Variants in GAB2 observed in about 807,000 individuals in gnomAD.
GAB2 encodes the protein GRB2-associated-binding protein 2.
In GAB2, 26 loss-of-function variants were observed where a neutral mutation model predicts 65.5. That is an observed-to-expected ratio of 0.40 (90% CI 0.29 to 0.55). GAB2 has a LOEUF of 0.55. Among genes scored for constraint, GAB2 ranks in the 20% least tolerant of loss-of-function variants. The pLI is 0.53. For synonymous variants in GAB2, 321 were observed against 329.6 expected (o/e 0.97, Z 0.28); for missense variants, 884 against 875.8 (o/e 1.01, Z -0.12).
In GAB2 at chr11:78,289,724, AG is replaced by A. The variant is rs532524881; in HGVS notation, c.76-8824del. On this transcript the variant is annotated intron_variant, in intron 1 of 9. Coordinates refer to ENST00000361507, the MANE Select transcript of GAB2 (RefSeq NM_080491.3). The stretch of plus-strand genomic sequence containing the variant: ...AAGAGAGAGAAACAGCATGAGAGAA[AG>A]CAAACATGCACGAGAGAGAAGGAGC... Among the ~76,000 whole-genome samples, 300 of 151,964 alleles carry A rather than the reference AG, an allele frequency of 2.0e-3. 1 individual carries two copies. In the Middle Eastern group the frequency reaches 0.034, roughly 17 times the overall value.
At chr11:78,249,861 A>G (rs1201583247) in intron 3 of GAB2, among the ~76,000 whole-genome samples, 2 of 150,970 alleles carry the variant, frequency 1.3e-5, no homozygotes, top group Admixed American at 1.3e-4. Context: ...TTTTTTTGCA[A>G]TTCGGAAACT....
At chr11:78,228,906 CT>C (rs944268565) in intron 3 of GAB2, among the ~76,000 whole-genome samples, 2 of 152,062 alleles carry the variant, frequency 1.3e-5, no homozygotes, top group Admixed American at 6.6e-5. Flanking sequence ...TTTCATTTTG[CT>C]TTTTTTGGAA....
In GAB2 at chr11:78,242,349, A is replaced by C. The variant is rs529597706; in HGVS notation, c.620+7808T>G. Among the ~76,000 whole-genome samples, 10 of 152,266 alleles carry C rather than the reference A, an allele frequency of 6.6e-5. No homozygotes were observed. In the East Asian group the frequency reaches 1.5e-3, roughly 24 times the overall value. ...AACCCCATCTCTACTAAAAATACAA[A>C]AAATTAGCTGGGTGTGGTGGCGGGC... On this transcript the variant is annotated intron_variant, in intron 3 of 9. Coordinates refer to ENST00000361507, the MANE Select transcript of GAB2 (RefSeq NM_080491.3).
At chr11:78,246,241 T>C (rs1263381008) in intron 3 of GAB2, among the ~76,000 whole-genome samples, 1 of 152,000 alleles carries the variant, frequency 6.6e-6, no homozygotes, top group Non-Finnish European at 1.5e-5. Flanking sequence ...GGCAGAGGGT[T>C]TTTTCTTTCC....
chr11:78,283,156 A>G (rs527336993), intron 1 of GAB2, among the ~76,000 whole-genome samples: 9 of 152,252 alleles, frequency 5.9e-5, no homozygotes, highest in African/African-American at 2.2e-4. Flanking sequence ...TAAACCTCCA[A>G]TGCCTCCACT....
At chr11:78,339,079 C>T (rs1482899775) in intron 1 of GAB2, among the ~76,000 whole-genome samples, 1 of 152,094 alleles carries the variant, frequency 6.6e-6, no homozygotes, top group African/African-American at 2.4e-5. Flanking sequence ...TGTGTCACCA[C>T]ACCCAGCTAA....
At chr11:78,402,479 G>C (rs1171113449) in intron 1 of GAB2, among the ~76,000 whole-genome samples, 2 of 151,190 alleles carry the variant, frequency 1.3e-5, no homozygotes, top group Non-Finnish European at 2.9e-5. Context: ...GCCCAGGCTG[G>C]AGTACAGTGG....
chr11:78,235,073 A>G (rs549635471), intron 3 of GAB2, among the ~76,000 whole-genome samples: 1 of 152,142 alleles, frequency 6.6e-6, no homozygotes, highest in East Asian at 1.9e-4. Context: ...CATTTTCCCC[A>G]TGGTCTTGGA....
intron 2 of GAB2, among the ~76,000 whole-genome samples, chr11:78,272,041 T>C (rs1866026466): frequency 6.6e-6 from 1 of 152,262 alleles, no homozygotes; most frequent in Admixed American, 6.5e-5. Flanking sequence ...CCTTTCCTTC[T>C]GCCATCATTG....
intron 1 of GAB2, among the ~76,000 whole-genome samples, chr11:78,398,396 C>G (rs752410163): frequency 1.5e-4 from 23 of 152,158 alleles, no homozygotes; most frequent in Non-Finnish European, 3.1e-4. Flanking sequence ...AATGTGCACA[C>G]AGGTGTGGTA....
At chr11:78,240,955 C>T (rs1865116823) in intron 3 of GAB2, among the ~76,000 whole-genome samples, 1 of 152,204 alleles carries the variant, frequency 6.6e-6, no homozygotes, top group African/African-American at 2.4e-5. Context: ...GCTTAGAAAC[C>T]CAACGCCACA....
chr11:78,272,785 G>A (rs1188270650), intron 2 of GAB2, among the ~76,000 whole-genome samples: 4 of 152,204 alleles, frequency 2.6e-5, no homozygotes, highest in Non-Finnish European at 4.4e-5. Flanking sequence ...TCACAGCAGC[G>A]CTTCCCATTA....
At chr11:78,232,504 G>C (rs1488987093) in intron 3 of GAB2, among the ~76,000 whole-genome samples, 1 of 152,202 alleles carries the variant, frequency 6.6e-6, no homozygotes, top group Non-Finnish European at 1.5e-5. Flanking sequence ...TCTTGACTCT[G>C]CCAGTTCAAA....
At chr11:78,243,097 G>A (rs1590959884) in intron 3 of GAB2, among the ~76,000 whole-genome samples, 2 of 152,076 alleles carry the variant, frequency 1.3e-5, no homozygotes, top group Non-Finnish European at 2.9e-5. Context: ...GGGAGGCGGA[G>A]GTTGCAGTAA....
intron 1 of GAB2, among the ~76,000 whole-genome samples, chr11:78,329,589 T>C (rs2134675059): frequency 6.6e-6 from 1 of 152,268 alleles, no homozygotes; most frequent in East Asian, 1.9e-4. Flanking sequence ...GAGAATACCC[T>C]AGGTACTCAA....
chr11:78,355,222 T>C (rs554819633), intron 1 of GAB2, among the ~76,000 whole-genome samples: 1 of 152,320 alleles, frequency 6.6e-6, no homozygotes, highest in East Asian at 1.9e-4. Context: ...TTACATCTTT[T>C]AGGTTTCAGT....
chr11:78,259,285 A>G (rs1292656012), intron 2 of GAB2, among the ~76,000 whole-genome samples: 1 of 152,218 alleles, frequency 6.6e-6, no homozygotes, highest in African/African-American at 2.4e-5. Context: ...TTAAATACTC[A>G]ATAAATGGCT....
intron 3 of GAB2, among the ~76,000 whole-genome samples, chr11:78,236,143 G>A (rs1363324247): frequency 6.6e-6 from 1 of 152,200 alleles, no homozygotes; most frequent in Non-Finnish European, 1.5e-5. Flanking sequence ...AGTTTTCAGT[G>A]AAGAGGTGTT....
At chr11:78,252,493 A>T (rs1167029903) in intron 2 of GAB2, among the ~76,000 whole-genome samples, 1 of 152,102 alleles carries the variant, frequency 6.6e-6, no homozygotes, top group African/African-American at 2.4e-5. Context: ...GACACAGGGA[A>T]CCTGCAAAAA....
Sources: gnomAD v4.1 joint callset for allele counts (sites outside exome capture counted in the v4.1 genomes callset) on GRCh38, gnomAD v4.1.1 for gene constraint, MANE v1.5 for transcripts, NCBI Gene and HGNC (gene_info 2026-07-23, HGNC 2026-07-21) for gene names.